Variants in DCTN4 observed in about 807,000 individuals in gnomAD.
DCTN4 encodes dynactin 4 (p62).
Under a neutral mutation model 62.7 loss-of-function variants are expected in DCTN4, and 23 were observed. The observed-to-expected ratio is 0.37, with a 90% CI of 0.26 to 0.52. DCTN4 has a LOEUF of 0.52. DCTN4 is among the 20% of genes least tolerant of loss of function. The probability of loss-of-function intolerance (pLI) is 0.92; values close to 1 mark genes in which losing one functional copy is unlikely to be tolerated. For missense variants in DCTN4, 514 were observed against 580.4 expected (o/e 0.89, Z 1.18); for synonymous variants, 199 against 202.1 (o/e 0.98, Z 0.13).
At position 150,708,882 on chromosome 5, in the gene DCTN4, T is replaced by C. The variant is rs1759465268; in HGVS notation, c.*2267A>G. 1 of 152,848 alleles carries C rather than the reference T, an allele frequency of 6.5e-6. No individual in the cohort carries two copies. Among genetic ancestry groups the C allele is most frequent in the Non-Finnish European group, 1.5e-5 (1 of 68,050 alleles). The allele number at this position is 152,848 out of a possible 1,614,324, so 9.5% of individuals were successfully genotyped here. ...AAGGGTGTTTCTTCACAAATATGCA[T>C]GACACTTAGCTCATTATGCTGATAA... On this transcript the variant is annotated 3_prime_UTR_variant, in exon 13 of 13. Coordinates refer to ENST00000447998, the MANE Select transcript of DCTN4 (RefSeq NM_016221.4).
chr5:150,727,905 T>TA (rs754049716), intron 8 of DCTN4, among the ~76,000 whole-genome samples: 11 of 152,028 alleles, frequency 7.2e-5, no homozygotes, highest in East Asian at 1.9e-4. Context: ...TGATATTTGA[T>TA]AAAAAATTGC....
In DCTN4 at chr5:150,756,507, A is replaced by C. The variant is rs199737865; in HGVS notation, c.136-20T>G. The C allele has an allele frequency of 6.9e-6, 10 of 1,442,544 alleles. No homozygotes were observed. In the African/African-American group the frequency reaches 1.5e-4, roughly 21 times the overall value. The allele number at this position is 1,442,544 out of a possible 1,614,324, so 89.4% of individuals were successfully genotyped here. On this transcript the variant is annotated intron_variant, in intron 1 of 12. Transcript: ENST00000447998. ...GTCCACCTAGGAGGAAACAAGAAAGAAAAAAAAAACCAGAGGAGAACTCAG... is the reference window on the plus strand; with the variant it reads ...GTCCACCTAGGAGGAAACAAGAAAGCAAAAAAAAACCAGAGGAGAACTCAG...
intron 3 of DCTN4, among the ~76,000 whole-genome samples, chr5:150,751,465 G>A (rs1333663068): frequency 6.6e-6 from 1 of 152,078 alleles, no homozygotes; most frequent in Non-Finnish European, 1.5e-5. Context: ...GGATTTCCGG[G>A]CTGTTTCTTT....
At chr5:150,718,816 A>ATTAT (rs201844888) in intron 10 of DCTN4, among the ~76,000 whole-genome samples, 3 of 152,048 alleles carry the variant, frequency 2.0e-5, no homozygotes, top group Admixed American at 2.0e-4. Context: ...TAAAATTTTT[A>ATTAT]TTATTTATTT....
chr5:150,713,693 C>G (rs993430602), intron 12 of DCTN4, among the ~76,000 whole-genome samples: 4 of 151,866 alleles, frequency 2.6e-5, no homozygotes, highest in Non-Finnish European at 5.9e-5. Context: ...ATCTGCCTGC[C>G]TCAGCCTCCC....
intron 8 of DCTN4, among the ~76,000 whole-genome samples, chr5:150,724,382 T>G (rs1241851960): frequency 6.6e-6 from 1 of 152,218 alleles, no homozygotes; most frequent in Admixed American, 6.5e-5. Flanking sequence ...GCAAACTACT[T>G]TTCTCAGTCT....
intron 8 of DCTN4, among the ~76,000 whole-genome samples, 199 bp downstream of exon 8, chr5:150,730,432 A>C (rs760873431): frequency 1.3e-5 from 2 of 152,264 alleles, no homozygotes; most frequent in Non-Finnish European, 2.9e-5. Context: ...CAGGTTTAAC[A>C]GTAGTACCTA....
rs772994437 is a variant in DCTN4, at chr5:150,742,104, C to G, written c.429+10G>C. On this transcript the variant is annotated intron_variant, in intron 4 of 12. Transcript: ENST00000447998. ...ATTTCATCCTCTCTCTCTTATGACC[C>G]TTTACTTACCCGTTGTGTGTGAGGA... is the stretch of plus-strand genomic sequence containing the variant. The G allele has an allele frequency of 3.8e-5, 61 of 1,613,440 alleles. No individual in the cohort carries two copies. The South Asian group carries it at 6.7e-4, about 18-fold the overall frequency.
At chr5:150,724,999 T>C (rs1445658020) in intron 8 of DCTN4, among the ~76,000 whole-genome samples, 2 of 151,552 alleles carry the variant, frequency 1.3e-5, no homozygotes, top group East Asian at 3.9e-4. Flanking sequence ...CTACTAAAAG[T>C]ACAAAAAAAT....
chr5:150,713,202 G>T (rs1023989717), intron 12 of DCTN4, among the ~76,000 whole-genome samples: 1 of 152,114 alleles, frequency 6.6e-6, no homozygotes, highest in African/African-American at 2.4e-5. Flanking sequence ...AAAAACATCA[G>T]TCTTTCTTTT....
intron 2 of DCTN4, chr5:150,755,399 G>A (rs1420484425): frequency 2.7e-6 from 1 of 367,744 alleles, no homozygotes; most frequent in Non-Finnish European, 5.3e-6. Context: ...AAAAAAAGAA[G>A]GAAAAGCAGT....
At chr5:150,749,669 AAAT>A (rs1466398382) in intron 3 of DCTN4, among the ~76,000 whole-genome samples, 7,403 of 151,654 alleles carry the variant, frequency 0.049, 611 homozygotes, top group African/African-American at 0.17. Context: ...AAATAAAAAA[AAAT>A]AAAAATAGTT....
At chr5:150,748,595 T>A (rs996710976) in intron 3 of DCTN4, among the ~76,000 whole-genome samples, 2 of 150,638 alleles carry the variant, frequency 1.3e-5, no homozygotes, top group African/African-American at 4.9e-5. Context: ...CACCATGGAA[T>A]ACTATGCAGC....
intron 2 of DCTN4, chr5:150,755,689 C>A: frequency 2.4e-6 from 1 of 411,886 alleles, no homozygotes; most frequent in Non-Finnish European, 4.8e-6. Context: ...TCTCCTATCA[C>A]ACCACACCCA....
Position 150,708,602 on chromosome 5 carries a change from T to A in DCTN4, c.*2547A>T, listed in dbSNP as rs559758916. 6 of 152,870 alleles carry A rather than the reference T, an allele frequency of 3.9e-5. No homozygotes were observed. Among genetic ancestry groups the A allele is most frequent in the Non-Finnish European group, 8.8e-5 (6 of 68,038 alleles). 9.5% of individuals were successfully genotyped at this position (152,870 alleles called of 1,614,324 possible). A position where few individuals can be genotyped will look rare whatever the true frequency, so the allele number is the denominator to read the frequency against. ...TATATATTATGGTGAACTAACCTGC[T>A]AAGAGATTTTAGATTACTTCATTTA... On this transcript the variant is annotated 3_prime_UTR_variant, in exon 13 of 13. Transcript: ENST00000447998.
intron 5 of DCTN4, chr5:150,731,819 T>C: frequency 7.0e-7 from 1 of 1,428,392 alleles, no homozygotes; most frequent in Non-Finnish European, 9.7e-7. Flanking sequence ...ACAGACGTCT[T>C]CCTGGAACAC....
At chr5:150,718,226 A>T (rs1449039708) in intron 11 of DCTN4, 50 bp downstream of exon 11, 2 of 1,270,920 alleles carry the variant, frequency 1.6e-6, no homozygotes, top group Admixed American at 3.5e-5. Flanking sequence ...TCAAATGAGG[A>T]CACTCCAGGG....
intron 8 of DCTN4, among the ~76,000 whole-genome samples, chr5:150,729,357 T>C (rs184294432): frequency 5.3e-5 from 8 of 152,190 alleles, no homozygotes; most frequent in African/African-American, 1.9e-4. Context: ...GGAATATATA[T>C]GCAGGACTTG....
At chr5:150,734,797 T>C (rs905431948) in intron 4 of DCTN4, among the ~76,000 whole-genome samples, 3 of 152,274 alleles carry the variant, frequency 2.0e-5, no homozygotes, top group Middle Eastern at 3.4e-3. Flanking sequence ...ATGCTGTTGG[T>C]GGGGCATGGT....
Sources: allele counts gnomAD v4.1 joint callset (sites outside exome capture counted in the v4.1 genomes callset), GRCh38; gene constraint gnomAD v4.1.1; transcripts MANE v1.5; gene names NCBI Gene and HGNC (gene_info 2026-07-23, HGNC 2026-07-21).